Variants in APOLD1 observed in about 807,000 individuals in gnomAD.
The protein encoded by APOLD1 is apolipoprotein L domain-containing protein 1.
APOLD1 carries 22 observed loss-of-function variants against 15.3 expected under a neutral mutation model. The ratio of observed to expected loss-of-function variants is 1.44; its 90% CI spans 1.03 to 2.05. APOLD1 has a LOEUF of 2.05. Ranked by LOEUF, APOLD1 falls within the 30% of genes most tolerant of loss-of-function variation. APOLD1 has a pLI of 0.00. For synonymous variants in APOLD1, 190 were observed against 167.4 expected, an observed-to-expected ratio of 1.13 and a Z score of -1.04; for missense variants, 394 against 353.5, an observed-to-expected ratio of 1.11 and a Z score of -0.92.
chr12:12,746,844 CTGTGTGTACCCAA>C (rs1946770666), intron 1 of APOLD1, among the ~76,000 whole-genome samples: 1 of 152,068 alleles, frequency 6.6e-6, no homozygotes, highest in Admixed American at 6.6e-5. Flanking sequence ...ATTTTTATGT[CTGTGTGTACCCAA>C]TGTTTAGCAC....
upstream of APOLD1, among the ~76,000 whole-genome samples, chr12:12,781,049 T>C (rs1396821630): frequency 2.0e-5 from 3 of 152,150 alleles, no homozygotes; most frequent in Admixed American, 1.3e-4. Flanking sequence ...GTGACTATAT[T>C]GTGAATAGCA....
At chr12:12,737,882 G>C (rs1004438959) in intron 1 of APOLD1, among the ~76,000 whole-genome samples, 3 of 152,224 alleles carry the variant, frequency 2.0e-5, no homozygotes, top group African/African-American at 7.2e-5. Context: ...GTTATCTAGG[G>C]GGAGGAAGGG....
chr12:12,760,546 G>A (rs1946890294), intron 1 of APOLD1, among the ~76,000 whole-genome samples: 1 of 151,382 alleles, frequency 6.6e-6, no homozygotes, highest in Non-Finnish European at 1.5e-5. Flanking sequence ...GGCTGAGGCA[G>A]GAGAATCACT....
chr12:12,736,280 G>A (rs1946684556), intron 1 of APOLD1, among the ~76,000 whole-genome samples: 1 of 152,178 alleles, frequency 6.6e-6, no homozygotes, highest in Non-Finnish European at 1.5e-5. Context: ...GAACCCAGGA[G>A]GAGGAGGTTG....
At chr12:12,732,740 A>G (rs1946650043) in intron 1 of APOLD1, among the ~76,000 whole-genome samples, 1 of 151,818 alleles carries the variant, frequency 6.6e-6, no homozygotes, top group South Asian at 2.1e-4. Context: ...AAAAAAAAAA[A>G]AAAAAGAAAA....
At chr12:12,748,440 T>G (rs1946782134) in intron 1 of APOLD1, among the ~76,000 whole-genome samples, 1 of 152,240 alleles carries the variant, frequency 6.6e-6, no homozygotes. Flanking sequence ...AGATTTTCTC[T>G]TTCTTTCTTA....
chr12:12,759,952 G>C (rs908356376), intron 1 of APOLD1, among the ~76,000 whole-genome samples: 1 of 152,184 alleles, frequency 6.6e-6, no homozygotes, highest in African/African-American at 2.4e-5. Context: ...AAGCCATATT[G>C]ATAGATTGAT....
chr12:12,777,890 T>G (rs375257239), intron 1 of APOLD1, among the ~76,000 whole-genome samples: 350 of 4,168 alleles, frequency 0.084, 1 homozygote, highest in African/African-American at 0.15. Context: ...AGGAAAGGTG[T>G]TTTTTTTTTT....
At chr12:12,770,526 G>T (rs1323570909) in intron 1 of APOLD1, among the ~76,000 whole-genome samples, 1 of 142,028 alleles carries the variant, frequency 7.0e-6, no homozygotes, top group African/African-American at 2.6e-5. Context: ...GATATCTCAA[G>T]AGAAACCTCC....
At chr12:12,774,095 C>G (rs748537117) in intron 1 of APOLD1, among the ~76,000 whole-genome samples, 3 of 152,048 alleles carry the variant, frequency 2.0e-5, no homozygotes, top group Non-Finnish European at 4.4e-5. Context: ...GTAAACTGGA[C>G]TTTATTAAAA....
At chr12:12,761,589 C>G (rs1946898802) in intron 1 of APOLD1, among the ~76,000 whole-genome samples, 1 of 152,036 alleles carries the variant, frequency 6.6e-6, no homozygotes, top group Non-Finnish European at 1.5e-5. Flanking sequence ...TACTCACACA[C>G]AAGGATGTTC....
intron 1 of APOLD1, among the ~76,000 whole-genome samples, chr12:12,786,409 G>A (rs1030816869): frequency 1.3e-5 from 2 of 152,136 alleles, no homozygotes; most frequent in African/African-American, 4.8e-5. Flanking sequence ...TACGATTTTT[G>A]AGGTTTTGGT....
At position 12,790,283 on chromosome 12, in the gene APOLD1, G is replaced by A. The variant is rs559160227; in HGVS notation, c.*2631G>A. 16 of 152,106 alleles carry A rather than the reference G, an allele frequency of 1.1e-4. No individual in the cohort carries two copies. Among genetic ancestry groups the A allele is most frequent in the African/African-American group, 3.1e-4 (13 of 41,488 alleles). 9.4% of individuals were successfully genotyped at this position (152,106 alleles called of 1,614,324 possible). On this transcript the variant is annotated 3_prime_UTR_variant, in exon 2 of 2. Transcript: ENST00000356591. ...GCTTCCCAAAGTGCTGGGATTACAG[G>A]CATGAGCCACCTCGCCTGGCCAGAT...
At chr12:12,758,699 G>T (rs1037359941) in intron 1 of APOLD1, among the ~76,000 whole-genome samples, 11 of 152,114 alleles carry the variant, frequency 7.2e-5, no homozygotes, top group African/African-American at 2.4e-4. Flanking sequence ...TACGTATTGT[G>T]GCCTTAACTT....
At chr12:12,759,126 G>T (rs1233240532) in intron 1 of APOLD1, among the ~76,000 whole-genome samples, 1 of 152,130 alleles carries the variant, frequency 6.6e-6, no homozygotes, top group Admixed American at 6.5e-5. Flanking sequence ...TACTCAAATG[G>T]CATGCAATTT....
chr12:12,785,544 G>A, upstream of APOLD1: 1 of 1,397,448 alleles, frequency 7.2e-7, no homozygotes, highest in Non-Finnish European at 9.9e-7. Flanking sequence ...CCTTCTAGAT[G>A]AAGGCAGCAG....
rs1400829932 is a variant in APOLD1 at position 12,739,131 on chromosome 12, GGT to G, written c.96+13037_96+13038del. On this transcript the variant is annotated intron_variant, in intron 1 of 1. Coordinates refer to the APOLD1 transcript ENST00000326765. ...CCTAAGAGATAAAGTTGGCTTGGTA[GGT>G]GGGGACAGATAGTAGGGGAGACTGA... Among the ~76,000 whole-genome samples the G allele has an allele frequency of 5.9e-5, 9 of 152,318 alleles. No homozygotes were observed. In the South Asian group the frequency reaches 1.2e-3, roughly 21 times the overall value.
At chr12:12,786,119 CA>C (rs1565438870) in intron 1 of APOLD1, among the ~76,000 whole-genome samples, 1 of 152,110 alleles carries the variant, frequency 6.6e-6, no homozygotes, top group African/African-American at 2.4e-5. Context: ...AGTTGTTGAA[CA>C]AAAATTTTGG....
At chr12:12,786,304 G>T (rs1947123753) in intron 1 of APOLD1, among the ~76,000 whole-genome samples, 1 of 152,068 alleles carries the variant, frequency 6.6e-6, no homozygotes, top group Non-Finnish European at 1.5e-5. Context: ...CTCATTTTAG[G>T]CTTGATTCTA....
Sources: allele counts gnomAD v4.1 joint callset (sites outside exome capture counted in the v4.1 genomes callset), GRCh38; gene constraint gnomAD v4.1.1; transcripts MANE v1.5; gene names NCBI Gene and HGNC (gene_info 2026-07-23, HGNC 2026-07-21).